The following AGTPBP1 variants were observed in gnomAD, a reference collection of about 807,000 sequenced individuals.
AGTPBP1 encodes cytosolic carboxypeptidase 1.
Under a neutral mutation model 143.9 loss-of-function variants are expected in AGTPBP1, and 70 were observed. The observed-to-expected ratio is 0.49, with a 90% CI of 0.40 to 0.59. The LOEUF (loss-of-function observed/expected upper bound fraction) is 0.59, where lower values mean the gene tolerates loss of function less well. Among genes scored for constraint, AGTPBP1 ranks in the 20% least tolerant of loss-of-function variants. The pLI is 0.00. For synonymous variants in AGTPBP1, 463 were observed against 500.2 expected, an observed-to-expected ratio of 0.93 and a Z score of 0.99; for missense variants, 1,229 against 1,464.5, an observed-to-expected ratio of 0.84 and a Z score of 2.62.
At position 85,560,506 on chromosome 9, in the gene AGTPBP1, G is replaced by T. The variant is rs750236555; in HGVS notation, c.3504-13220C>A. On this transcript the variant is annotated intron_variant, in intron 25 of 25. Coordinates refer to ENST00000357081, the MANE Select transcript of AGTPBP1 (RefSeq NM_001330701.2). ...GAAAATGAGGGTGCAAGTGGGGAGC[G>T]CAAGTCAAAGTCTGCTCGAAAGTAA... 2.0e-5 allele frequency among the ~76,000 whole-genome samples: 3 copies of T among 152,032 alleles called. No individual in the cohort carries two copies. In the East Asian group the frequency reaches 5.8e-4, roughly 29 times the overall value.
intron 7 of AGTPBP1, among the ~76,000 whole-genome samples, chr9:85,671,776 G>T (rs905370221): frequency 6.6e-6 from 1 of 152,094 alleles, no homozygotes; most frequent in Non-Finnish European, 1.5e-5. Context: ...GTCTCTCTGT[G>T]AGCCCTCTTC....
intron 13 of AGTPBP1, among the ~76,000 whole-genome samples, chr9:85,641,268 G>A (rs1345929765): frequency 1.3e-5 from 2 of 152,098 alleles, no homozygotes; most frequent in Non-Finnish European, 2.9e-5. Flanking sequence ...CACAATAATC[G>A]ATTTCCTCCT....
chr9:85,656,335 T>C (rs908990992), intron 10 of AGTPBP1, among the ~76,000 whole-genome samples: 1 of 152,180 alleles, frequency 6.6e-6, no homozygotes, highest in African/African-American at 2.4e-5. Context: ...GGCTCAGAAA[T>C]GTTAAGTGGC....
rs1175390376 is a variant in AGTPBP1 at position 85,678,409 on chromosome 9, T to TA, written c.226-12dup. On this transcript the variant is annotated splice_polypyrimidine_tract_variant and intron_variant, in intron 4 of 25. Transcript: ENST00000357081. ...AAGATCTTTTGTGTTCTGAAATAAA[T>TA]AGTTTGTTTTATTAAAACATTGTAA... The TA allele has an allele frequency of 6.5e-7, 1 of 1,531,410 alleles. No individual in the cohort carries two copies. The highest frequency in any genetic ancestry group is 2.3e-5 in the East Asian group (1 of 42,888). The allele number at this position is 1,531,410 out of a possible 1,614,324, so 94.9% of individuals were successfully genotyped here. A position where few individuals can be genotyped will look rare whatever the true frequency, so the allele number is the denominator to read the frequency against.
intron 7 of AGTPBP1, 48 bp downstream of exon 7, chr9:85,672,502 G>T: frequency 6.4e-7 from 1 of 1,567,800 alleles, no homozygotes; most frequent in Non-Finnish European, 8.6e-7. Context: ...AATTCTTTTT[G>T]TGTAACTTTA....
intron 17 of AGTPBP1, among the ~76,000 whole-genome samples, chr9:85,611,299 A>G (rs1182925467): frequency 6.6e-6 from 1 of 151,948 alleles, no homozygotes; most frequent in African/African-American, 2.4e-5. Flanking sequence ...TAAGAATTTT[A>G]AACAGGTTAA....
In AGTPBP1 at chr9:85,646,107, CAG is replaced by C. The variant is rs1386125784; in HGVS notation, c.1185+212_1185+213del. 4.6e-5 allele frequency among the ~76,000 whole-genome samples: 7 copies of C among 152,220 alleles called. No individual in the cohort carries two copies. In the South Asian group the frequency reaches 8.3e-4, roughly 18 times the overall value. On this transcript the variant is annotated intron_variant, in intron 12 of 25. Transcript: ENST00000357081. ...AAAGGTTAGATAAAATCTTTCTGGT[CAG>C]AGAGAGTGAAAATAAGTTACTTTAA...
chr9:85,550,192 T>TGAGA (rs72089458), intron 25 of AGTPBP1, among the ~76,000 whole-genome samples: 16,216 of 145,072 alleles, frequency 0.11, 931 homozygotes, highest in African/African-American at 0.16. Context: ...TGTGTGTGTG[T>TGAGA]GTGAGAGAGA....
intron 13 of AGTPBP1, among the ~76,000 whole-genome samples, chr9:85,633,683 T>C (rs1831838456): frequency 6.6e-6 from 1 of 152,158 alleles, no homozygotes; most frequent in South Asian, 2.1e-4. Context: ...TTCAATAACA[T>C]TACAGTGTCT....
upstream of AGTPBP1, among the ~76,000 whole-genome samples, chr9:85,745,961 C>T (rs1035154534): frequency 6.6e-6 from 1 of 152,154 alleles, no homozygotes; most frequent in African/African-American, 2.4e-5. Context: ...TGAATGCCAG[C>T]AGAAACTCGG....
the AGTPBP1 span, among the ~76,000 whole-genome samples, chr9:85,748,514 T>C: frequency 2.6e-5 from 4 of 152,210 alleles, no homozygotes; most frequent in African/African-American, 9.6e-5. Context: ...GGTTGTCTTA[T>C]AGATGAATTA....
chr9:85,688,107 A>AAAAAAAAAAAAAAAAAC, intron 3 of AGTPBP1, among the ~76,000 whole-genome samples: 1 of 148,644 alleles, frequency 6.7e-6, no homozygotes, highest in East Asian at 1.9e-4. Context: ...AAAAAAAAAA[A>AAAAAAAAAAAAAAAAAC]AAAAAAAAAA....
chr9:85,770,549 C>T, the AGTPBP1 span: 1 of 853,846 alleles, frequency 1.2e-6, no homozygotes, highest in Non-Finnish European at 1.9e-6. Context: ...TGCATACATC[C>T]TATATTTATT....
Position 85,564,984 on chromosome 9 carries a change from GAGA to G in AGTPBP1, c.3503+10328_3503+10330del, listed in dbSNP as rs1462604384. On this transcript the variant is annotated intron_variant, in intron 25 of 25. Coordinates refer to ENST00000357081, the MANE Select transcript of AGTPBP1 (RefSeq NM_001330701.2). ...TGTTTATGTCACATGAGGTTACAGT[GAGA>G]AGAAGGCCACCTATGAGGAAGCAGG... Among the ~76,000 whole-genome samples the G allele has an allele frequency of 9.8e-5, 15 of 152,298 alleles. No homozygotes were observed. The East Asian group carries it at 2.3e-3, about 24-fold the overall frequency.
Position 85,633,012 on chromosome 9 carries a change from C to A in AGTPBP1, c.1665G>T (p.Lys555Asn), listed in dbSNP as rs375179707. The A allele has an allele frequency of 6.2e-7, 1 of 1,613,998 alleles. No individual in the cohort carries two copies. The highest frequency in any genetic ancestry group is 8.5e-7 in the Non-Finnish European group (1 of 1,180,028). Residue 555 changes from lysine to asparagine, a missense_variant, in exon 14 of 26, where the codon AAG becomes AAT. By Grantham distance (94) the Lys-to-Asn change is moderately conservative. Coordinates refer to ENST00000357081, the MANE Select transcript of AGTPBP1 (RefSeq NM_001330701.2). ...CAGTAAGAGGAAGACTGCAGTCCTT[C>A]TTCATTTCTGCAGTAAAACCTGGGG... ...QTAPGFTAEM[K>N]KDCSLPLTVL...
chr9:85,587,103 T>C, intron 21 of AGTPBP1, 143 bp from the exon 22 acceptor site: 1 of 956,186 alleles, frequency 1.0e-6, no homozygotes, highest in Non-Finnish European at 1.5e-6. Flanking sequence ...GATGGTAAGC[T>C]CAACCAAATG....
chr9:85,689,294 C>T (rs958513163), intron 3 of AGTPBP1, among the ~76,000 whole-genome samples: 8 of 152,158 alleles, frequency 5.3e-5, no homozygotes, highest in African/African-American at 1.7e-4. Flanking sequence ...CCAGAAAACG[C>T]TAGCCATTCC....
the AGTPBP1 span, among the ~76,000 whole-genome samples, chr9:85,779,214 TATAG>T: frequency 1.4e-5 from 2 of 138,666 alleles, no homozygotes; most frequent in African/African-American, 3.1e-5. Context: ...TAGATATAGA[TATAG>T]ATATAGATAT....
chr9:85,701,789 A>G (rs1167088030), intron 2 of AGTPBP1, among the ~76,000 whole-genome samples: 7 of 152,170 alleles, frequency 4.6e-5, no homozygotes, highest in African/African-American at 7.2e-5. Context: ...GTCTTTACCA[A>G]TAGGTCAATT....
Sources: allele counts gnomAD v4.1 joint callset (sites outside exome capture counted in the v4.1 genomes callset), GRCh38; gene constraint gnomAD v4.1.1; transcripts MANE v1.5; gene names NCBI Gene and HGNC (gene_info 2026-07-23, HGNC 2026-07-21).